Variants in INPP5F observed in about 807,000 individuals in gnomAD.
INPP5F encodes phosphatidylinositide 4-phosphatase SAC2.
Under a neutral mutation model 137.2 loss-of-function variants are expected in INPP5F, and 97 were observed. The observed-to-expected ratio is 0.71, with a 90% CI of 0.60 to 0.84. The LOEUF is 0.84. Among genes scored for constraint, INPP5F ranks in the 40% least tolerant of loss-of-function variants. INPP5F has a pLI of 0.00. For synonymous variants in INPP5F, 504 were observed against 476.9 expected, an observed-to-expected ratio of 1.06 and a Z score of -0.74; for missense variants, 1,271 against 1,371.9, an observed-to-expected ratio of 0.93 and a Z score of 1.16.
intron 3 of INPP5F, among the ~76,000 whole-genome samples, chr10:119,783,298 T>C (rs1389120951): frequency 6.6e-6 from 1 of 152,224 alleles, no homozygotes; most frequent in Admixed American, 6.5e-5. Flanking sequence ...TCAGGATGGC[T>C]TGTTATCACA....
At chr10:119,753,925 TG>T (rs555350018) in intron 2 of INPP5F, among the ~76,000 whole-genome samples, 205 of 152,302 alleles carry the variant, frequency 1.3e-3, no homozygotes, top group African/African-American at 4.6e-3. Flanking sequence ...ATTACTTTAT[TG>T]GGGCAGCTGG....
chr10:119,765,615 C>T (rs143943326), intron 2 of INPP5F, among the ~76,000 whole-genome samples: 3 of 148,066 alleles, frequency 2.0e-5, no homozygotes, highest in Non-Finnish European at 3.0e-5. Flanking sequence ...CTCCTGAGCT[C>T]GGGTCATCCA....
rs1174349422 is a variant in INPP5F at position 119,827,666 on chromosome 10, T to C, written c.3285T>C (p.Phe1095=). The change falls in exon 20 of 20, where the codon TTT becomes TTC. Residue 1095 remains phenylalanine, a synonymous_variant. Coordinates refer to ENST00000650623, the MANE Select transcript of INPP5F (RefSeq NM_014937.4). ...CTGGATTAACCCATGGGATAAACTT[T>C]GCAGTGTCAAAAGTTCAGAAGAGTC... ...TQAGLTHGIN[F]AVSKVQKSPP... 3 of 1,614,030 alleles carry C rather than the reference T, an allele frequency of 1.9e-6. No homozygotes were observed. Among genetic ancestry groups the C allele is most frequent in the Middle Eastern group, 1.6e-4 (1 of 6,084 alleles).
chr10:119,793,897 A>C (rs548236735), intron 6 of INPP5F, among the ~76,000 whole-genome samples: 85 of 152,368 alleles, frequency 5.6e-4, no homozygotes, highest in African/African-American at 1.9e-3. Flanking sequence ...AGCCCACCTC[A>C]GCCTCCTAAA....
At chr10:119,796,600 A>G (rs1201373720) in intron 6 of INPP5F, 115 bp from the exon 7 acceptor site, 2 of 850,962 alleles carry the variant, frequency 2.4e-6, no homozygotes, top group Admixed American at 1.8e-5. Flanking sequence ...TGGTTGAATA[A>G]TGGAAGGTTT....
intron 2 of INPP5F, among the ~76,000 whole-genome samples, chr10:119,774,559 C>T (rs1007034915): frequency 6.6e-6 from 1 of 151,606 alleles, no homozygotes; most frequent in African/African-American, 2.4e-5. Context: ...ATCTTGAACC[C>T]CTGGGCTCAA....
At chr10:119,759,879 G>A (rs1589685679) in intron 2 of INPP5F, among the ~76,000 whole-genome samples, 2 of 152,048 alleles carry the variant, frequency 1.3e-5, no homozygotes, top group East Asian at 1.9e-4. Context: ...TGAGTGCTTC[G>A]TCCTTCTCTC....
chr10:119,745,128 G>A (rs1373863007), intron 1 of INPP5F, among the ~76,000 whole-genome samples: 1 of 151,770 alleles, frequency 6.6e-6, no homozygotes, highest in Non-Finnish European at 1.5e-5. Context: ...TGCTGTATAC[G>A]CTATCCTTTC....
chr10:119,758,944 ATT>A (rs1848927925), intron 2 of INPP5F, among the ~76,000 whole-genome samples: 2 of 152,132 alleles, frequency 1.3e-5, no homozygotes, highest in African/African-American at 4.8e-5. Context: ...GACATGAAAT[ATT>A]TTACATATTT....
At chr10:119,805,676 G>C (rs1223630199) in intron 11 of INPP5F, among the ~76,000 whole-genome samples, 1 of 152,178 alleles carries the variant, frequency 6.6e-6, no homozygotes, top group Non-Finnish European at 1.5e-5. Flanking sequence ...GCCAAATGAA[G>C]TGAAACGCTC....
chr10:119,804,970 G>A (rs993523796), intron 10 of INPP5F, among the ~76,000 whole-genome samples: 2 of 152,130 alleles, frequency 1.3e-5, no homozygotes, highest in Admixed American at 6.5e-5. Context: ...CAAGTCATCC[G>A]CCCACCTTGG....
chr10:119,769,236 G>A (rs1433406905), intron 2 of INPP5F, among the ~76,000 whole-genome samples: 2 of 152,160 alleles, frequency 1.3e-5, no homozygotes, highest in Non-Finnish European at 2.9e-5. Flanking sequence ...GAAATACGTA[G>A]TTGCAGTACC....
At chr10:119,741,249 C>T (rs1407837537) in intron 1 of INPP5F, among the ~76,000 whole-genome samples, 1 of 152,196 alleles carries the variant, frequency 6.6e-6, no homozygotes, top group East Asian at 1.9e-4. Context: ...TGGCTTCAGG[C>T]CCCTTCATGT....
In INPP5F at chr10:119,783,014, CTG is replaced by C. The variant is rs10566436; in HGVS notation, c.315+1244_315+1245del. 2.1e-3 allele frequency among the ~76,000 whole-genome samples: 317 copies of C among 152,262 alleles called. 3 individuals are homozygous for C. The highest frequency in any genetic ancestry group is 7.4e-3 in the African/African-American group (306 of 41,548). ...GAAACAAAATGAATTTAAGTGGACT[CTG>C]ATATTAATTATTTGTTACAGGAATC... On this transcript the variant is annotated intron_variant, in intron 3 of 19. Transcript: ENST00000650623.
chr10:119,767,124 A>AAAAAC (rs1251769813), intron 2 of INPP5F, among the ~76,000 whole-genome samples: 2 of 149,380 alleles, frequency 1.3e-5, no homozygotes, highest in African/African-American at 4.9e-5. Context: ...AAAAAAAAAA[A>AAAAAC]AAAAAAAAAC....
intron 2 of INPP5F, among the ~76,000 whole-genome samples, chr10:119,771,289 T>C (rs1377025088): frequency 6.6e-6 from 1 of 152,242 alleles, no homozygotes; most frequent in Non-Finnish European, 1.5e-5. Context: ...GTATCAGCAC[T>C]TCATTCCTTT....
intron 2 of INPP5F, among the ~76,000 whole-genome samples, chr10:119,777,505 A>G (rs1203436177): frequency 6.6e-6 from 1 of 152,194 alleles, no homozygotes; most frequent in Non-Finnish European, 1.5e-5. Flanking sequence ...CAGCCTGGCA[A>G]CAGCACGAGA....
At chr10:119,763,982 T>C (rs1029766552) in intron 2 of INPP5F, among the ~76,000 whole-genome samples, 1 of 152,238 alleles carries the variant, frequency 6.6e-6, no homozygotes, top group Non-Finnish European at 1.5e-5. Context: ...ACGTTCCTTA[T>C]TTTCATCTGA....
intron 9 of INPP5F, among the ~76,000 whole-genome samples, chr10:119,799,983 G>GA (rs1589729862): frequency 6.6e-6 from 1 of 151,538 alleles, no homozygotes; most frequent in African/African-American, 2.4e-5. Context: ...ACACTCTAAT[G>GA]AAAAAAATGA....
Sources: gnomAD v4.1 joint callset for allele counts (sites outside exome capture counted in the v4.1 genomes callset) on GRCh38, gnomAD v4.1.1 for gene constraint, MANE v1.5 for transcripts, NCBI Gene and HGNC (gene_info 2026-07-23, HGNC 2026-07-21) for gene names.